The following PRDM2 variants were observed in gnomAD, a reference collection of about 807,000 sequenced individuals.
PRDM2 encodes PR/SET domain 2, also known as PR domain zinc finger protein 2.
Under a neutral mutation model 130.0 loss-of-function variants are expected in PRDM2, and 30 were observed. The observed-to-expected ratio is 0.23, with a 90% confidence interval of 0.17 to 0.31. The LOEUF (loss-of-function observed/expected upper bound fraction) is 0.31. Ranked by LOEUF, PRDM2 falls within the 10% of genes least tolerant of loss-of-function variation. The pLI, the probability that PRDM2 is intolerant of heterozygous loss-of-function variation, is 1.00. For missense variants in PRDM2, 2,011 were observed against 2,108.4 expected (o/e 0.95, Z 0.90); for synonymous variants, 871 against 782.4 (o/e 1.11, Z -1.89).
At chr1:13,754,280 TG>T (rs1643898435) in intron 6 of PRDM2, among the ~76,000 whole-genome samples, 1 of 152,090 alleles carries the variant, frequency 6.6e-6, no homozygotes, top group Non-Finnish European at 1.5e-5. Context: ...GGTTGGTTGG[TG>T]GGGGAGATGA....
At chr1:13,795,832 C>G (rs796456605) in intron 8 of PRDM2, among the ~76,000 whole-genome samples, 3 of 152,284 alleles carry the variant, frequency 2.0e-5, no homozygotes, top group African/African-American at 7.2e-5. Context: ...CAACTTCTCC[C>G]CCTTCTATTT....
chr1:13,731,982 G>A (rs1270088616), intron 3 of PRDM2, among the ~76,000 whole-genome samples: 3 of 152,276 alleles, frequency 2.0e-5, no homozygotes, highest in African/African-American at 7.2e-5. Flanking sequence ...AGTGGAATTT[G>A]TACATCCTAG....
chr1:13,788,149 A>G (rs889226373), intron 8 of PRDM2: 2 of 915,352 alleles, frequency 2.2e-6, no homozygotes, highest in Non-Finnish European at 2.6e-6. Flanking sequence ...TGTGTGGAGG[A>G]TTGTTCAGAG....
intron 6 of PRDM2, among the ~76,000 whole-genome samples, chr1:13,750,850 G>A (rs1317843188): frequency 6.6e-6 from 1 of 151,614 alleles, no homozygotes; most frequent in African/African-American, 2.4e-5. Flanking sequence ...ACTGTTTGTA[G>A]TGAAAACTTT....
chr1:13,813,064 G>A (rs1345977026), intron 8 of PRDM2, among the ~76,000 whole-genome samples: 1 of 152,188 alleles, frequency 6.6e-6, no homozygotes, highest in Non-Finnish European at 1.5e-5. Context: ...CTCCATATGA[G>A]TCCACCAACC....
intron 7 of PRDM2, among the ~76,000 whole-genome samples, chr1:13,776,810 C>T (rs1050397511): frequency 6.6e-6 from 1 of 152,152 alleles, no homozygotes; most frequent in African/African-American, 2.4e-5. Context: ...TGGCCTTTCC[C>T]CCAGCCTCAG....
chr1:13,701,279 G>A (rs554016920), intron 1 of PRDM2, among the ~76,000 whole-genome samples: 1 of 152,292 alleles, frequency 6.6e-6, no homozygotes, highest in East Asian at 1.9e-4. Context: ...CCAGACACTA[G>A]AAGAATCATT....
At chr1:13,742,543 A>G (rs1175466289) in intron 5 of PRDM2, among the ~76,000 whole-genome samples, 1 of 152,196 alleles carries the variant, frequency 6.6e-6, no homozygotes, top group East Asian at 1.9e-4. Flanking sequence ...TGTGACTGAC[A>G]ATGACTTTGC....
intron 5 of PRDM2, among the ~76,000 whole-genome samples, chr1:13,748,524 C>G (rs183406440): frequency 6.6e-6 from 1 of 152,128 alleles, no homozygotes; most frequent in African/African-American, 2.4e-5. Context: ...GTATTGATAC[C>G]CTTGTAACTT....
intron 8 of PRDM2, among the ~76,000 whole-genome samples, chr1:13,788,527 C>T (rs1401808621): frequency 6.6e-6 from 1 of 152,106 alleles, no homozygotes; most frequent in African/African-American, 2.4e-5. Flanking sequence ...TCCTATAGTT[C>T]ATCATCATAG....
At chr1:13,816,685 G>T in intron 9 of PRDM2, 115 bp downstream of exon 9, 1 of 1,373,322 alleles carries the variant, frequency 7.3e-7, no homozygotes, top group Non-Finnish European at 9.8e-7. Flanking sequence ...TTGCTTGTGT[G>T]TACCAGGCAC....
intron 6 of PRDM2, among the ~76,000 whole-genome samples, chr1:13,755,266 C>G (rs944859774): frequency 6.6e-5 from 10 of 152,228 alleles, no homozygotes; most frequent in Non-Finnish European, 1.0e-4. Flanking sequence ...GTAAATTTTT[C>G]AAAGCATTTT....
chr1:13,787,232 GAC>G, intron 8 of PRDM2: 1 of 983,764 alleles, frequency 1.0e-6, no homozygotes, highest in African/African-American at 1.7e-5. Flanking sequence ...TATTATCAGA[GAC>G]TATGTAGCAA....
At chr1:13,708,070 G>A (rs1296664231) in intron 1 of PRDM2, among the ~76,000 whole-genome samples, 1 of 152,004 alleles carries the variant, frequency 6.6e-6, no homozygotes, top group Non-Finnish European at 1.5e-5. Context: ...GTCAATAACA[G>A]CAATCAATAA....
chr1:13,799,852 C>T (rs752669501), intron 8 of PRDM2, among the ~76,000 whole-genome samples: 5 of 152,170 alleles, frequency 3.3e-5, no homozygotes, highest in South Asian at 2.1e-4. Flanking sequence ...CATAGTAATT[C>T]GCTTAAAAAT....
intron 2 of PRDM2, among the ~76,000 whole-genome samples, chr1:13,721,252 T>C (rs1642720077): frequency 6.6e-6 from 1 of 152,218 alleles, no homozygotes; most frequent in Non-Finnish European, 1.5e-5. Flanking sequence ...GATATGTCTA[T>C]TCATAATCTT....
chr1:13,799,921 T>A (rs1421376138), intron 8 of PRDM2, among the ~76,000 whole-genome samples: 2 of 152,190 alleles, frequency 1.3e-5, no homozygotes, highest in East Asian at 3.9e-4. Context: ...AGGGCAGAGA[T>A]GGTAAAGGCA....
At chr1:13,736,966 A>C (rs1008057446) in intron 4 of PRDM2, among the ~76,000 whole-genome samples, 1 of 152,224 alleles carries the variant, frequency 6.6e-6, no homozygotes, top group Non-Finnish European at 1.5e-5. Context: ...CTTTAATGTA[A>C]TTTTTAAAAG....
intron 4 of PRDM2, among the ~76,000 whole-genome samples, chr1:13,733,216 A>T (rs1385440775): frequency 6.6e-6 from 1 of 152,184 alleles, no homozygotes; most frequent in Non-Finnish European, 1.5e-5. Context: ...CCCATAAAAG[A>T]CACTCTATGG....
Sources: allele counts gnomAD v4.1 joint callset (sites outside exome capture counted in the v4.1 genomes callset), GRCh38; gene constraint gnomAD v4.1.1; transcripts MANE v1.5; gene names NCBI Gene and HGNC (gene_info 2026-07-23, HGNC 2026-07-21).